PCDHGB5: variants seen among roughly 807,000 people sequenced by gnomAD.
PCDHGB5 encodes protocadherin gamma-B5.
A neutral mutation model predicts 62.9 loss-of-function variants in PCDHGB5; 48 were observed. The ratio of observed to expected loss-of-function variants is 0.76; its 90% CI spans 0.61 to 0.97. PCDHGB5 has a LOEUF of 0.97. PCDHGB5 is among the 50% of genes least tolerant of loss of function. PCDHGB5 has a pLI of 0.00. For synonymous variants in PCDHGB5, 474 were observed against 511.2 expected (o/e 0.93, Z 0.98); for missense variants, 1,118 against 1,198.6 (o/e 0.93, Z 0.99).
At chr5:141,501,298 C>T (rs998006748) in intron 2 of PCDHGB5, among the ~76,000 whole-genome samples, 216 of 148,422 alleles carry the variant, frequency 1.5e-3, no homozygotes, top group Admixed American at 2.4e-3. Context: ...TATACACACA[C>T]ACACACACAC....
chr5:141,503,777 G>A (rs2099830497), intron 2 of PCDHGB5, among the ~76,000 whole-genome samples: 1 of 152,074 alleles, frequency 6.6e-6, no homozygotes, highest in South Asian at 2.1e-4. Context: ...TCTGTTCTTA[G>A]GCTGAGTTCA....
At chr5:141,437,944 G>A (rs576107104) in intron 1 of PCDHGB5, among the ~76,000 whole-genome samples, 1 of 152,178 alleles carries the variant, frequency 6.6e-6, no homozygotes, top group South Asian at 2.1e-4. Flanking sequence ...CACCATATTG[G>A]CCAGAATGGT....
chr5:141,498,294 G>A (rs2099782964), intron 2 of PCDHGB5, among the ~76,000 whole-genome samples: 1 of 151,910 alleles, frequency 6.6e-6, no homozygotes, highest in African/African-American at 2.4e-5. Flanking sequence ...GATCAAGCCA[G>A]CTCTGGGTCA....
intron 1 of PCDHGB5, chr5:141,403,867 A>C (rs755401788): frequency 1.1e-5 from 17 of 1,613,606 alleles, no homozygotes; most frequent in Admixed American, 3.3e-5. Flanking sequence ...CAACAGCAAA[A>C]AGTCTAGATT....
In PCDHGB5 at chr5:141,445,206, A is replaced by G. The variant is rs1244524491; in HGVS notation, c.2397+44682A>G. On this transcript the variant is annotated intron_variant, in intron 1 of 3. Transcript: ENST00000617380. ...TTTTTATGTATTCTATATGCTTTTGAAAAGTAAGAGGTGCAAAGTGCTCTA... is the reference window on the plus strand; with the variant it reads ...TTTTTATGTATTCTATATGCTTTTGGAAAGTAAGAGGTGCAAAGTGCTCTA... 3.3e-5 allele frequency among the ~76,000 whole-genome samples: 5 copies of G among 152,182 alleles called. No individual in the cohort carries two copies. The East Asian group carries it at 7.7e-4, about 23-fold the overall frequency.
chr5:141,496,959 G>C (rs1451127360), intron 2 of PCDHGB5, among the ~76,000 whole-genome samples: 2 of 151,894 alleles, frequency 1.3e-5, no homozygotes, highest in Non-Finnish European at 2.9e-5. Flanking sequence ...GCCAAGGTGG[G>C]TAGATCACTT....
chr5:141,413,863 G>T, intron 1 of PCDHGB5: 1 of 1,613,356 alleles, frequency 6.2e-7, no homozygotes, highest in Non-Finnish European at 8.5e-7. Flanking sequence ...ATCTGGCACT[G>T]TCCTTGTCAG....
chr5:141,472,364 AC>A (rs2099278314), intron 1 of PCDHGB5, among the ~76,000 whole-genome samples: 1 of 151,866 alleles, frequency 6.6e-6, no homozygotes, highest in Non-Finnish European at 1.5e-5. Flanking sequence ...ACACGGTGAA[AC>A]CCCGTCTCCA....
intron 1 of PCDHGB5, among the ~76,000 whole-genome samples, chr5:141,461,119 C>T (rs959427669): frequency 6.6e-6 from 1 of 152,016 alleles, no homozygotes; most frequent in Admixed American, 6.6e-5. Flanking sequence ...GTGTCTTTTT[C>T]ATATAATTAC....
intron 1 of PCDHGB5, among the ~76,000 whole-genome samples, chr5:141,406,715 A>G (rs2094843333): frequency 6.6e-6 from 1 of 152,252 alleles, no homozygotes; most frequent in Non-Finnish European, 1.5e-5. Flanking sequence ...CTTGCTCAAG[A>G]GAAGTTTCTA....
At chr5:141,427,304 C>G in intron 1 of PCDHGB5, 1 of 456,910 alleles carries the variant, frequency 2.2e-6, no homozygotes. Flanking sequence ...ATGAGAATGA[C>G]AATGCCCCAG....
chr5:141,477,708 G>T lies in PCDHGB5; in HGVS notation c.2398-17099G>T. ...GTGCCCCTAGACTATGAGGATCGGC[G>T]GGAATTTGAATTAACAGCTCATATC... On this transcript the variant is annotated intron_variant, in intron 1 of 3. Transcript: ENST00000617380. The surrounding 1 kb of genome is among the most constrained non-coding windows in gnomAD (Gnocchi z 4.9). 2 of 1,613,930 alleles carry T rather than the reference G, an allele frequency of 1.2e-6. No individual in the cohort carries two copies. Among genetic ancestry groups the T allele is most frequent in the Non-Finnish European group, 1.7e-6 (2 of 1,180,030 alleles).
intron 1 of PCDHGB5, chr5:141,478,450 AGCCAGTCCACTGGCCAGCC>A (rs1562070520): frequency 6.2e-7 from 1 of 1,613,572 alleles, no homozygotes. Context: ...AACCTGGTGC[AGCCAGTCCACTGGCCAGCC>A]GCCAGAACAC....
At chr5:141,496,693 C>T (rs2099770546) in intron 2 of PCDHGB5, among the ~76,000 whole-genome samples, 1 of 152,164 alleles carries the variant, frequency 6.6e-6, no homozygotes, top group South Asian at 2.1e-4. Context: ...CCTTGCCAAC[C>T]TTCTCATAAG....
chr5:141,421,233 G>T (rs201076931), intron 1 of PCDHGB5: 2 of 1,592,240 alleles, frequency 1.3e-6, no homozygotes, highest in Non-Finnish European at 1.7e-6. Flanking sequence ...CTGCCATGGC[G>T]AATCGGCTAC....
intron 1 of PCDHGB5, among the ~76,000 whole-genome samples, chr5:141,457,254 A>G (rs2098914828): frequency 6.6e-6 from 1 of 152,222 alleles, no homozygotes; most frequent in Admixed American, 6.5e-5. Flanking sequence ...TTGCCAACAT[A>G]TAGAATTCCC....
intron 1 of PCDHGB5, chr5:141,403,479 A>G: frequency 1.2e-6 from 2 of 1,613,848 alleles, no homozygotes; most frequent in Non-Finnish European, 1.7e-6. Flanking sequence ...AGCCCCAATC[A>G]CCACTTCTCC....
chr5:141,511,147 A>T lies in PCDHGB5; in HGVS notation c.2746A>T (p.Lys916Ter). The change falls in exon 4 of 4, where the codon AAG becomes TAG. Residue 916 changes from lysine to a stop codon, truncating the protein, a stop_gained. Coordinates refer to ENST00000617380, the MANE Select transcript of PCDHGB5 (RefSeq NM_018925.3). LOFTEE classifies it high-confidence loss of function. Reference sequence around the variant, plus strand: ...AGCAGGTGGCAATGGCAACAAGAAGAAGTCGGGCAAGAAGGAGAAGAAGTA... The same window carrying T: ...AGCAGGTGGCAATGGCAACAAGAAGTAGTCGGGCAAGAAGGAGAAGAAGTA... The part of the protein sequence containing the change: ...APAGGNGNKK[K>*]SGKKEKK 1 of 1,614,188 alleles carries T rather than the reference A, an allele frequency of 6.2e-7. No homozygotes were observed. Among genetic ancestry groups the T allele is most frequent in the East Asian group, 2.2e-5 (1 of 44,876 alleles).
At position 141,432,232 on chromosome 5, in the gene PCDHGB5, G is replaced by A. The variant is rs766929605; in HGVS notation, c.2397+31708G>A. Reference sequence around the variant, plus strand: ...AGAACGCCCAGATCACTTATTCCCTGGCTGAGAACACCATCCAAGGGGCAA... The same window carrying A: ...AGAACGCCCAGATCACTTATTCCCTAGCTGAGAACACCATCCAAGGGGCAA... On this transcript the variant is annotated intron_variant, in intron 1 of 3. Coordinates refer to ENST00000617380, the MANE Select transcript of PCDHGB5 (RefSeq NM_018925.3). The surrounding 1 kb of genome is among the most constrained non-coding windows in gnomAD (Gnocchi z 6.0). The A allele has an allele frequency of 6.2e-7, 1 of 1,614,188 alleles. No homozygotes were observed. The highest frequency in any genetic ancestry group is 1.6e-4 in the Middle Eastern group (1 of 6,062).
Sources: gnomAD v4.1 joint callset for allele counts (sites outside exome capture counted in the v4.1 genomes callset) on GRCh38, gnomAD v4.1.1 for gene constraint, Gnocchi (gnomAD v3.1) non-coding constraint, MANE v1.5 for transcripts, NCBI Gene and HGNC (gene_info 2026-07-23, HGNC 2026-07-21) for gene names.